CALN1: variants seen among roughly 807,000 people sequenced by gnomAD.
CALN1 encodes the protein calneuron 1.
In CALN1, 17 loss-of-function variants were observed where a neutral mutation model predicts 30.6. That is an observed-to-expected ratio of 0.56 (90% confidence interval 0.38 to 0.83). CALN1 has a LOEUF of 0.83. CALN1 is among the 40% of genes least tolerant of loss of function. The pLI is 0.00. For synonymous variants in CALN1, 156 were observed against 131.4 expected, an observed-to-expected ratio of 1.19 and a Z score of -1.28; for missense variants, 291 against 354.9, an observed-to-expected ratio of 0.82 and a Z score of 1.45.
At chr7:71,971,997 A>AAG (rs1562946860) in intron 5 of CALN1, among the ~76,000 whole-genome samples, 30 of 143,780 alleles carry the variant, frequency 2.1e-4, no homozygotes, top group African/African-American at 5.2e-4. Flanking sequence ...AAGAAAGAGA[A>AAG]AGAAAGAAAA....
At chr7:71,971,989 G>GAAAGAAAA (rs1797858287) in intron 5 of CALN1, among the ~76,000 whole-genome samples, 2 of 96,994 alleles carry the variant, frequency 2.1e-5, no homozygotes, top group African/African-American at 3.6e-5. Context: ...AAGAAAGAAA[G>GAAAGAAAA]AAAGAGAAAG....
At chr7:72,285,472 T>TG (rs1798025821) in intron 2 of CALN1, among the ~76,000 whole-genome samples, 1 of 152,166 alleles carries the variant, frequency 6.6e-6, no homozygotes, top group African/African-American at 2.4e-5. Flanking sequence ...CTCGATCTCC[T>TG]GACCTTGTGA....
chr7:71,950,494 A>G (rs1418833950), intron 5 of CALN1, among the ~76,000 whole-genome samples: 1 of 152,058 alleles, frequency 6.6e-6, no homozygotes, highest in East Asian at 1.9e-4. Flanking sequence ...CCAATCCATC[A>G]CCACGGTCCT....
intron 3 of CALN1, among the ~76,000 whole-genome samples, chr7:72,109,674 T>C (rs1807422158): frequency 6.6e-6 from 1 of 152,224 alleles, no homozygotes; most frequent in Non-Finnish European, 1.5e-5. Context: ...CTTGAGGTCA[T>C]GGCACACTGT....
intron 4 of CALN1, among the ~76,000 whole-genome samples, chr7:72,030,246 G>C (rs1801349836): frequency 1.3e-5 from 2 of 152,124 alleles, no homozygotes; most frequent in African/African-American, 4.8e-5. Context: ...TGAGCAAAGG[G>C]GGATGTCTCC....
At chr7:72,492,649 C>T in the CALN1 span, among the ~76,000 whole-genome samples, 1 of 152,234 alleles carries the variant, frequency 6.6e-6, no homozygotes, top group Non-Finnish European at 1.5e-5. Flanking sequence ...TGGGTCAGCC[C>T]TCGTGGCTCT....
chr7:72,027,784 G>A (rs187321424), intron 4 of CALN1, among the ~76,000 whole-genome samples: 5 of 151,074 alleles, frequency 3.3e-5, no homozygotes, highest in South Asian at 2.1e-4. Flanking sequence ...CTGGCCGGGC[G>A]CGGTGGCTCA....
chr7:71,918,234 G>C (rs1794776903), intron 5 of CALN1, among the ~76,000 whole-genome samples: 1 of 152,182 alleles, frequency 6.6e-6, no homozygotes. Flanking sequence ...TTACTTTCAT[G>C]AGGACCTGAG....
At position 72,231,217 on chromosome 7, in the gene CALN1, A is replaced by G. The variant is rs189067865; in HGVS notation, c.244+47469T>C. 7.1e-3 allele frequency among the ~76,000 whole-genome samples: 1,085 copies of G among 151,956 alleles called. 16 individuals carry two copies. Among genetic ancestry groups the G allele is most frequent in the African/African-American group, 0.025 (1,031 of 41,438 alleles). Reference sequence around the variant, plus strand: ...TGCACCATGGTGGTTTGCTGCATCTATCAACCCACCACTTAGGTATTAAGC... The same window carrying G: ...TGCACCATGGTGGTTTGCTGCATCTGTCAACCCACCACTTAGGTATTAAGC... On this transcript the variant is annotated intron_variant, in intron 3 of 6. Coordinates refer to ENST00000395275, the MANE Select transcript of CALN1 (RefSeq NM_031468.4).
intron 2 of CALN1, among the ~76,000 whole-genome samples, chr7:72,282,246 G>A (rs1396872526): frequency 6.6e-6 from 1 of 152,172 alleles, no homozygotes. Flanking sequence ...ACTAAAACTT[G>A]AAGATGGATC....
intron 4 of CALN1, among the ~76,000 whole-genome samples, chr7:72,082,238 A>G (rs1353673038): frequency 6.6e-6 from 1 of 152,078 alleles, no homozygotes; most frequent in East Asian, 1.9e-4. Flanking sequence ...TGCCCACCTC[A>G]CCCTCCCAAA....
At chr7:72,083,579 A>T (rs1182528169) in intron 4 of CALN1, among the ~76,000 whole-genome samples, 5 of 152,092 alleles carry the variant, frequency 3.3e-5, no homozygotes, top group African/African-American at 1.2e-4. Context: ...GCAAGACCTC[A>T]TCTATAAAAA....
At chr7:72,359,207 C>T (rs1161023004) in intron 2 of CALN1, among the ~76,000 whole-genome samples, 3 of 152,126 alleles carry the variant, frequency 2.0e-5, no homozygotes, top group East Asian at 1.9e-4. Flanking sequence ...ATTTTAGAAG[C>T]CAGACCATGT....
At chr7:72,202,387 T>TAGA (rs1480237429) in intron 3 of CALN1, among the ~76,000 whole-genome samples, 2 of 151,882 alleles carry the variant, frequency 1.3e-5, no homozygotes, top group Admixed American at 1.3e-4. Context: ...AACAACAAAC[T>TAGA]AATGAAAAAA....
At chr7:72,049,140 G>C (rs10251175) in intron 4 of CALN1, among the ~76,000 whole-genome samples, 10,282 of 152,098 alleles carry the variant, frequency 0.068, 1,129 homozygotes, top group African/African-American at 0.23. Context: ...CCTGGTGGGT[G>C]GGGGGAGAAC....
At chr7:72,410,762 T>G (rs180961739) in intron 1 of CALN1, among the ~76,000 whole-genome samples, 1 of 152,268 alleles carries the variant, frequency 6.6e-6, no homozygotes, top group Non-Finnish European at 1.5e-5. Flanking sequence ...TTCCTGAACA[T>G]AAATACACAC....
At chr7:72,293,795 G>A (rs1402545593) in intron 2 of CALN1, among the ~76,000 whole-genome samples, 1 of 152,134 alleles carries the variant, frequency 6.6e-6, no homozygotes. Context: ...TGAGCATTCA[G>A]GTAGAAAATA....
At chr7:72,280,873 T>A (rs1475873533) in intron 2 of CALN1, among the ~76,000 whole-genome samples, 1 of 152,180 alleles carries the variant, frequency 6.6e-6, no homozygotes, top group Non-Finnish European at 1.5e-5. Flanking sequence ...TTGGGTGCGG[T>A]GGCTCACACC....
chr7:72,496,291 G>A, the CALN1 span, among the ~76,000 whole-genome samples: 1 of 152,114 alleles, frequency 6.6e-6, no homozygotes, highest in Non-Finnish European at 1.5e-5. Flanking sequence ...GTATAATGGA[G>A]AATGAAAGTA....
Sources: gnomAD v4.1 joint callset for allele counts (sites outside exome capture counted in the v4.1 genomes callset) on GRCh38, gnomAD v4.1.1 for gene constraint, MANE v1.5 for transcripts, NCBI Gene and HGNC (gene_info 2026-07-23, HGNC 2026-07-21) for gene names.